ACAN: variants seen among roughly 807,000 people sequenced by gnomAD.
ACAN encodes aggrecan core protein.
Under a neutral mutation model 169.1 loss-of-function variants are expected in ACAN, and 47 were observed. The observed-to-expected ratio is 0.28, with a 90% CI of 0.22 to 0.35. The LOEUF is 0.35. ACAN is among the 10% of genes least tolerant of loss of function. ACAN has a pLI of 1.00. For missense variants in ACAN, 2,716 were observed against 2,759.9 expected (o/e 0.98, Z 0.36); for synonymous variants, 1,115 against 1,112.2 (o/e 1.00, Z -0.05).
chr15:88,841,653 C>A, intron 4 of ACAN, 87 bp from the exon 5 acceptor site: 1 of 1,539,044 alleles, frequency 6.5e-7, no homozygotes, highest in Non-Finnish European at 8.9e-7. Context: ...TTGCTGTTTC[C>A]TCCCACGGGA....
At chr15:88,852,693 G>A (rs1896957754) in intron 11 of ACAN, among the ~76,000 whole-genome samples, 1 of 152,212 alleles carries the variant, frequency 6.6e-6, no homozygotes, top group Admixed American at 6.5e-5. Flanking sequence ...ATGTGCTAAT[G>A]TGCACTGTGA....
rs367925946 is a variant in ACAN at position 88,857,849 on chromosome 15, T to A, written c.5264T>A (p.Leu1755His). 8.1e-6 allele frequency: 13 copies of A among 1,613,656 alleles called. No individual in the cohort carries two copies. Among genetic ancestry groups the A allele is most frequent in the Non-Finnish European group, 1.1e-5 (13 of 1,179,822 alleles). Reference sequence around the variant, plus strand: ...GGGGAAACATCTGGAGTGACTGAGCTTAGCGGGCTGTCCTCTGGACAACCA... The same window carrying A: ...GGGGAAACATCTGGAGTGACTGAGCATAGCGGGCTGTCCTCTGGACAACCA... ...TSGETSGVTELSGLSSGQPGI... is the reference protein window; with the variant it reads ...TSGETSGVTEHSGLSSGQPGI... Residue 1755 changes from leucine to histidine, a missense_variant, in exon 12 of 19, where the codon CTT becomes CAT. Physicochemically the swap from Leu to His is moderately conservative, Grantham distance 99. This residue lies in a region of ACAN where 1,389 missense variants were observed against 1,363.7 expected (regional missense o/e 1.02). Transcript: ENST00000560601.
chr15:88,849,991 C>A lies in ACAN; in HGVS notation c.2026+260C>A. On this transcript the variant is annotated intron_variant, in intron 10 of 18. Transcript: ENST00000560601. The surrounding 1 kb of genome is among the most constrained non-coding windows in gnomAD (Gnocchi z 5.1). ...TTATGTCTACTAGAAATGAAGCAGA[C>A]CTGAATTTGAGTTATGGCTCTGCTA... 1.6e-6 allele frequency: 1 copy of A among 615,922 alleles called. No individual in the cohort carries two copies. The highest frequency in any genetic ancestry group is 2.9e-6 in the Non-Finnish European group (1 of 344,676). The allele number at this position is 615,922 out of a possible 1,614,324, so 38.2% of individuals were successfully genotyped here. A position where few individuals can be genotyped will look rare whatever the true frequency, so the allele number is the denominator to read the frequency against.
intron 6 of ACAN, among the ~76,000 whole-genome samples, chr15:88,844,294 CTT>C (rs71149235): frequency 0.012 from 1,258 of 104,662 alleles, 6 homozygotes; most frequent in Middle Eastern, 0.03. Flanking sequence ...CCATGCTTTG[CTT>C]TTTTTTTTTT....
intron 1 of ACAN, among the ~76,000 whole-genome samples, chr15:88,830,073 G>A (rs12914635): frequency 0.61 from 91,975 of 151,244 alleles, 28,381 homozygotes; most frequent in Middle Eastern, 0.72. Context: ...GGGCGTTCAC[G>A]TAGCCAGCAA....
chr15:88,857,131 G>C lies in ACAN; in HGVS notation c.4546G>C (p.Glu1516Gln), dbSNP rs775432317. ...VSELPSGEGL[E>Q]TSASGVEDLS... ...TGAACTTCCTTCAGGAGAAGGTCTAGAGACCTCTGCTTCTGGAGTAGAGGA... is the reference window on the plus strand; with the variant it reads ...TGAACTTCCTTCAGGAGAAGGTCTACAGACCTCTGCTTCTGGAGTAGAGGA... The change falls in exon 12 of 19, where the codon GAG becomes CAG. Residue 1516 changes from glutamate (E) to glutamine (Q), a missense_variant. Glu to Gln is a conservative substitution (Grantham distance 29, BLOSUM62 2). Around this residue, in one of 3 missense-constraint regions of ACAN, gnomAD observed 1,389 missense variants for 1,363.7 expected, o/e 1.02. Coordinates refer to ENST00000560601, the MANE Select transcript of ACAN (RefSeq NM_001369268.1). 6.2e-7 allele frequency: 1 copy of C among 1,607,672 alleles called. No homozygotes were observed. Among genetic ancestry groups the C allele is most frequent in the East Asian group, 2.2e-5 (1 of 44,638 alleles).
At chr15:88,819,693 G>A (rs1424031082) in intron 1 of ACAN, among the ~76,000 whole-genome samples, 3 of 151,822 alleles carry the variant, frequency 2.0e-5, no homozygotes, top group Non-Finnish European at 2.9e-5. Context: ...TTGAACCCAG[G>A]AATTGAAGGC....
rs1489196248 is a variant in ACAN, at chr15:88,859,370, T to A, written c.6785T>A (p.Ile2262Asn). The A allele has an allele frequency of 5.7e-6, 9 of 1,577,326 alleles. No individual in the cohort carries two copies. The Admixed American group carries it at 9.3e-5, about 16-fold the overall frequency. The change falls in exon 12 of 19, where the codon ATC (isoleucine) becomes AAC (asparagine). Residue 2262 changes from isoleucine (I) to asparagine (N), a missense_variant. Around this residue, in one of 3 missense-constraint regions of ACAN, gnomAD observed 1,389 missense variants for 1,363.7 expected, o/e 1.02. Coordinates refer to ENST00000560601, the MANE Select transcript of ACAN (RefSeq NM_001369268.1). Reference sequence around the variant, plus strand: ...GCCACCTCCCCAACAGATGCTTCCATCCCAGCTTCTCCGGAATGGAAACGT... The same window carrying A: ...GCCACCTCCCCAACAGATGCTTCCAACCCAGCTTCTCCGGAATGGAAACGT... ...ETATSPTDAS[I>N]PASPEWKRES... is the part of the protein sequence containing the mutation.
At position 88,855,229 on chromosome 15, in the gene ACAN, T is replaced by C; in HGVS notation, c.2644T>C (p.Phe882Leu). 1 of 1,604,614 alleles carries C rather than the reference T, an allele frequency of 6.2e-7. No individual in the cohort carries two copies. The highest frequency in any genetic ancestry group is 8.5e-7 in the Non-Finnish European group (1 of 1,172,702). Residue 882 changes from phenylalanine (F) to leucine (L), a missense_variant, in exon 12 of 19, where the codon TTC becomes CTC. By Grantham distance (22) the Phe-to-Leu change is conservative. Transcript: ENST00000560601. ...TGGAGATGTTTCAGGACACCTTGACTTCAGTGGGCAGCTGTCAGGGGACAG... is the reference window on the plus strand; with the variant it reads ...TGGAGATGTTTCAGGACACCTTGACCTCAGTGGGCAGCTGTCAGGGGACAG... The part of the protein sequence containing the change: ...GSGDVSGHLD[F>L]SGQLSGDRAS...
chr15:88,867,759 G>T (rs1897303484), intron 13 of ACAN, among the ~76,000 whole-genome samples: 1 of 152,206 alleles, frequency 6.6e-6, no homozygotes, highest in East Asian at 1.9e-4. Context: ...TAACTACAAA[G>T]GAAGCCAGGA....
chr15:88,863,363 G>A (rs977590198), intron 13 of ACAN, among the ~76,000 whole-genome samples: 1 of 152,190 alleles, frequency 6.6e-6, no homozygotes, highest in African/African-American at 2.4e-5. Flanking sequence ...CTGCAGCTTA[G>A]AATCACCTGG....
intron 11 of ACAN, among the ~76,000 whole-genome samples, chr15:88,854,012 T>C (rs1896992466): frequency 6.6e-6 from 1 of 152,206 alleles, no homozygotes. Flanking sequence ...AAGGTTAAAA[T>C]GCAGTGTGGC....
At position 88,839,116 on chromosome 15, in the gene ACAN, G is replaced by C. The variant is rs1452602772; in HGVS notation, c.454+70G>C. The C allele has an allele frequency of 6.4e-7, 1 of 1,550,498 alleles. No individual in the cohort carries two copies. The highest frequency in any genetic ancestry group is 2.3e-5 in the East Asian group (1 of 44,370). ...GAACCAGAGCAGTCTCCGCAGTGCAGGCGCAGGCAGGCTGGCCTTCAAACC... is the reference window on the plus strand; with the variant it reads ...GAACCAGAGCAGTCTCCGCAGTGCACGCGCAGGCAGGCTGGCCTTCAAACC... On this transcript the variant is annotated intron_variant, in intron 3 of 18. Coordinates refer to ENST00000560601, the MANE Select transcript of ACAN (RefSeq NM_001369268.1). This position sits in a 1 kb window ranked among gnomAD's most constrained non-coding sequence, Gnocchi z 4.5.
At chr15:88,831,904 A>C (rs531767004) in intron 1 of ACAN, among the ~76,000 whole-genome samples, 1 of 152,332 alleles carries the variant, frequency 6.6e-6, no homozygotes, top group East Asian at 1.9e-4. Flanking sequence ...GCAGGCAGGA[A>C]GCAGATTGGA....
intron 7 of ACAN, among the ~76,000 whole-genome samples, 183 bp from the exon 8 acceptor site, chr15:88,847,060 G>A (rs1042129832): frequency 6.6e-6 from 1 of 152,204 alleles, no homozygotes; most frequent in African/African-American, 2.4e-5. Context: ...GCAGGGGAGG[G>A]GCAGATGGAC....
rs2141596128 is a variant in ACAN at position 88,851,973 on chromosome 15, C to A, written c.2206C>A (p.Pro736Thr). The A allele has an allele frequency of 6.2e-7, 1 of 1,612,152 alleles. No individual in the cohort carries two copies. Among genetic ancestry groups the A allele is most frequent in the Non-Finnish European group, 8.5e-7 (1 of 1,179,170 alleles). Residue 736 changes from proline (P) to threonine (T), a missense_variant, in exon 11 of 19, where the codon CCA (proline) becomes ACA (threonine). Physicochemically the swap from Pro to Thr is conservative, Grantham distance 38. Coordinates refer to ENST00000560601, the MANE Select transcript of ACAN (RefSeq NM_001369268.1). This position sits in a 1 kb window ranked among gnomAD's most constrained non-coding sequence, Gnocchi z 4.3. Reference sequence around the variant, plus strand: ...TGCCATCCTAGAGTTCACCACCGAGCCAGAAAACCAGACAGAATGGGAACC... The same window carrying A: ...TGCCATCCTAGAGTTCACCACCGAGACAGAAAACCAGACAGAATGGGAACC... ...TTAILEFTTE[P>T]ENQTEWEPAY...
intron 11 of ACAN, among the ~76,000 whole-genome samples, chr15:88,853,295 A>G (rs1285794512): frequency 1.3e-5 from 2 of 152,160 alleles, no homozygotes; most frequent in Non-Finnish European, 2.9e-5. Flanking sequence ...AACGATTTGC[A>G]CTATCATTTG....
rs533555055 is a variant in ACAN, at chr15:88,842,588, T to C, written c.757+721T>C. 1.9e-3 allele frequency among the ~76,000 whole-genome samples: 295 copies of C among 151,328 alleles called. 1 individual carries two copies. The highest frequency in any genetic ancestry group is 4.7e-3 in the Admixed American group (71 of 15,258). ...AGAAGAGCTGACAACTGGCACTTTC[T>C]GGGTGAGGGGCCCCGGCCAGGCTTT... is the stretch of plus-strand genomic sequence containing the variant. On this transcript the variant is annotated intron_variant, in intron 5 of 18. Transcript: ENST00000560601.
In ACAN at chr15:88,871,417, C is replaced by G; in HGVS notation, c.7096C>G (p.Gln2366Glu). 6.2e-7 allele frequency: 1 copy of G among 1,613,966 alleles called. No homozygotes were observed. The highest frequency in any genetic ancestry group is 8.5e-7 in the Non-Finnish European group (1 of 1,179,890). The change falls in exon 15 of 19, where the codon CAG (glutamine) becomes GAG (glutamate). Residue 2366 changes from glutamine (Q) to glutamate (E), a missense_variant. Gln to Glu is a conservative substitution (Grantham distance 29). Transcript: ENST00000560601. This position sits in a 1 kb window ranked among gnomAD's most constrained non-coding sequence, Gnocchi z 7.8. ...EVCEEGWNKY[Q>E]GHCYRHFPDR... ...ATGTGAGGAGGGCTGGAACAAGTAC[C>G]AGGGCCACTGTTACCGCCACTTCCC... is the stretch of plus-strand genomic sequence containing the variant.
Sources: allele counts gnomAD v4.1 joint callset (sites outside exome capture counted in the v4.1 genomes callset), GRCh38; gene constraint gnomAD v4.1.1; regional missense constraint gnomAD v4.1.1; non-coding constraint Gnocchi (gnomAD v3.1); transcripts MANE v1.5; gene names NCBI Gene and HGNC (gene_info 2026-07-23, HGNC 2026-07-21).